The following LASP1 variants were observed in gnomAD, a reference collection of about 807,000 sequenced individuals.
The protein encoded by LASP1 is LIM and SH3 domain protein 1.
In LASP1, 10 loss-of-function variants were observed where a neutral mutation model predicts 38.6. That is an observed-to-expected ratio of 0.26 (90% CI 0.16 to 0.44). LASP1 has a LOEUF of 0.44. Ranked by LOEUF, LASP1 falls within the 20% of genes least tolerant of loss-of-function variation. The probability of loss-of-function intolerance (pLI) is 1.00; values close to 1 mark genes in which losing one functional copy is unlikely to be tolerated. For synonymous variants in LASP1, 132 were observed against 140.8 expected (o/e 0.94, Z 0.44); for missense variants, 243 against 375.7 (o/e 0.65, Z 2.92).
intron 3 of LASP1, among the ~76,000 whole-genome samples, chr17:38,893,465 G>A (rs550322989): frequency 1.3e-5 from 2 of 152,306 alleles, no homozygotes; most frequent in African/African-American, 4.8e-5. Flanking sequence ...CTGTTTGTAT[G>A]CTCTGAGGGG....
chr17:38,897,027 C>T (rs1385379174), intron 3 of LASP1: 7 of 985,466 alleles, frequency 7.1e-6, no homozygotes, highest in East Asian at 1.1e-4. Flanking sequence ...TAAGAGTCAC[C>T]GTGCTGGCCC....
chr17:38,907,268 C>T (rs1255387798), intron 4 of LASP1, among the ~76,000 whole-genome samples: 1 of 152,126 alleles, frequency 6.6e-6, no homozygotes, highest in East Asian at 1.9e-4. Context: ...TGCCGCCTGT[C>T]CTGAGTTGCA....
chr17:38,913,177 G>A (rs1229005200), intron 4 of LASP1, among the ~76,000 whole-genome samples: 2 of 152,194 alleles, frequency 1.3e-5, no homozygotes, highest in Non-Finnish European at 2.9e-5. Context: ...CAAGGTGGGG[G>A]ACTCTGTAGC....
chr17:38,870,372 A>T, intron 1 of LASP1, 114 bp downstream of exon 1: 3 of 1,199,940 alleles, frequency 2.5e-6, no homozygotes. Context: ...AGGAGAATGG[A>T]GGGAGGGCGA....
chr17:38,877,449 A>G (rs1005008363), intron 1 of LASP1, among the ~76,000 whole-genome samples: 5 of 152,112 alleles, frequency 3.3e-5, no homozygotes, highest in Non-Finnish European at 4.4e-5. Context: ...AGGGAAGGGT[A>G]GAAAGGATGT....
chr17:38,895,140 G>A (rs971930987), intron 3 of LASP1, among the ~76,000 whole-genome samples: 1 of 151,542 alleles, frequency 6.6e-6, no homozygotes. Context: ...ATTGTATTTC[G>A]CTCAATAAAT....
At chr17:38,917,456 GT>G (rs1225012235) in intron 6 of LASP1, among the ~76,000 whole-genome samples, 3 of 151,874 alleles carry the variant, frequency 2.0e-5, no homozygotes, top group Non-Finnish European at 4.4e-5. Context: ...GGCGCTGTAG[GT>G]TTTTGTGTGC....
intron 4 of LASP1, among the ~76,000 whole-genome samples, chr17:38,903,256 C>T (rs1162429538): frequency 6.6e-6 from 1 of 152,148 alleles, no homozygotes; most frequent in Non-Finnish European, 1.5e-5. Context: ...AGGCAGGGCT[C>T]TTTGAGCCTC....
At chr17:38,877,960 C>T in intron 1 of LASP1, 126 bp from the exon 2 acceptor site, 1 of 676,256 alleles carries the variant, frequency 1.5e-6, no homozygotes, top group Middle Eastern at 2.7e-4. Flanking sequence ...GGGATGATTC[C>T]ATGTTCTCCC....
intron 2 of LASP1, 157 bp from the exon 3 acceptor site, chr17:38,890,263 C>T (rs1464109229): frequency 2.9e-5 from 18 of 624,730 alleles, no homozygotes; most frequent in South Asian, 2.6e-4. Flanking sequence ...TGTCTCCCCT[C>T]GGCCTTGGTG....
intron 2 of LASP1, among the ~76,000 whole-genome samples, chr17:38,889,938 G>T (rs927477927): frequency 2.6e-5 from 4 of 152,146 alleles, no homozygotes; most frequent in Admixed American, 1.3e-4. Context: ...AGTCCCCCTG[G>T]ATATGTGTGT....
intron 4 of LASP1, among the ~76,000 whole-genome samples, chr17:38,909,289 C>G (rs939063435): frequency 6.6e-6 from 1 of 152,122 alleles, no homozygotes; most frequent in Non-Finnish European, 1.5e-5. Context: ...TGGTTGTACC[C>G]GTCCCCACCA....
intron 4 of LASP1, among the ~76,000 whole-genome samples, chr17:38,909,598 C>T (rs1411381406): frequency 6.6e-6 from 1 of 151,142 alleles, no homozygotes; most frequent in Non-Finnish European, 1.5e-5. Flanking sequence ...CAGAGCGAGA[C>T]TCCATCTCAA....
In LASP1 at chr17:38,878,147, A is replaced by G; in HGVS notation, c.131A>G (p.Tyr44Cys). Residue 44 changes from tyrosine (Y) to cysteine (C), a missense_variant, in exon 2 of 7, where the codon TAC becomes TGC. Around this residue, in one of 4 missense-constraint regions of LASP1, gnomAD observed 43 missense variants for 108.3 expected, o/e 0.40. Coordinates refer to ENST00000318008, the MANE Select transcript of LASP1 (RefSeq NM_006148.4). Reference sequence around the variant, plus strand: ...AAGATGACACTGAACATGAAGAACTACAAGGGCTACGAGAAGAAGCCCTAC... The same window carrying G: ...AAGATGACACTGAACATGAAGAACTGCAAGGGCTACGAGAAGAAGCCCTAC... Reference protein sequence around the residue: ...TCKMTLNMKNYKGYEKKPYCN... With the variant: ...TCKMTLNMKNCKGYEKKPYCN... 1.9e-6 allele frequency: 3 copies of G among 1,613,864 alleles called. No homozygotes were observed. Among genetic ancestry groups the G allele is most frequent in the Non-Finnish European group, 2.5e-6 (3 of 1,179,856 alleles).
Position 38,918,875 on chromosome 17 carries a change from C to T in LASP1, c.*97C>T. 7.4e-7 allele frequency: 1 copy of T among 1,352,170 alleles called. No individual in the cohort carries two copies. 83.8% of individuals were successfully genotyped at this position (1,352,170 alleles called of 1,614,324 possible). On this transcript the variant is annotated 3_prime_UTR_variant, in exon 7 of 7. Transcript: ENST00000318008. This position sits in a 1 kb window ranked among gnomAD's most constrained non-coding sequence, Gnocchi z 4.4. ...TCTTCAGTGTCTCTGTTTTTTAAAACCTGCGACAGCTTGTGATTCCTACCC... is the reference window on the plus strand; with the variant it reads ...TCTTCAGTGTCTCTGTTTTTTAAAATCTGCGACAGCTTGTGATTCCTACCC...
chr17:38,918,999 C>G lies in LASP1; in HGVS notation c.*221C>G, dbSNP rs1915219993. 1 of 598,666 alleles carries G rather than the reference C, an allele frequency of 1.7e-6. No homozygotes were observed. The highest frequency in any genetic ancestry group is 2.9e-6 in the Non-Finnish European group (1 of 340,210). The allele number at this position is 598,666 out of a possible 1,614,324, so 37.1% of individuals were successfully genotyped here. ...CCCTTGATCGACTTCTTGGTTTTCT[C>G]TCTGGATGGAACGGGCATGGGCCTC... On this transcript the variant is annotated 3_prime_UTR_variant, in exon 7 of 7. Coordinates refer to ENST00000318008, the MANE Select transcript of LASP1 (RefSeq NM_006148.4). This position sits in a 1 kb window ranked among gnomAD's most constrained non-coding sequence, Gnocchi z 4.4.
intron 6 of LASP1, among the ~76,000 whole-genome samples, chr17:38,917,855 A>G (rs1915177388): frequency 1.3e-5 from 2 of 151,822 alleles, no homozygotes; most frequent in African/African-American, 4.8e-5. Flanking sequence ...AAGCCTAACT[A>G]ATTTTTTATT....
chr17:38,886,513 G>A lies in LASP1; in HGVS notation c.165-3907G>A, dbSNP rs145900449. ...ATTAAGCTGAGCTCACATCTGGGCT[G>A]GCTCACCCCCACTTCCCTTCTGATG... is the stretch of plus-strand genomic sequence containing the variant. On this transcript the variant is annotated intron_variant, in intron 2 of 6. Transcript: ENST00000318008. Among the ~76,000 whole-genome samples, 4 of 152,268 alleles carry A rather than the reference G, an allele frequency of 2.6e-5. 1 individual carries two copies. The East Asian group carries it at 7.7e-4, about 29-fold the overall frequency.
At chr17:38,912,598 C>A (rs375154938) in intron 4 of LASP1, among the ~76,000 whole-genome samples, 86 of 152,276 alleles carry the variant, frequency 5.6e-4, no homozygotes, top group African/African-American at 2.0e-3. Flanking sequence ...CTTTGGGAGT[C>A]TGGCACAGCC....
Sources: gnomAD v4.1 joint callset for allele counts (sites outside exome capture counted in the v4.1 genomes callset) on GRCh38, gnomAD v4.1.1 for gene constraint, gnomAD v4.1.1 regional missense constraint, Gnocchi (gnomAD v3.1) non-coding constraint, MANE v1.5 for transcripts, NCBI Gene and HGNC (gene_info 2026-07-23, HGNC 2026-07-21) for gene names.